Variants in MOXD1 observed in about 807,000 individuals in gnomAD.
MOXD1 encodes DBH-like monooxygenase protein 1.
Under a neutral mutation model 66.6 loss-of-function variants are expected in MOXD1, and 62 were observed. The observed-to-expected ratio is 0.93, with a 90% CI of 0.76 to 1.15. The LOEUF (loss-of-function observed/expected upper bound fraction) is 1.15, where lower values mean the gene tolerates loss of function less well. MOXD1 is among the 50% of genes most tolerant of loss of function. The probability of loss-of-function intolerance (pLI) is 0.00; values close to 1 mark genes in which losing one functional copy is unlikely to be tolerated. For missense variants in MOXD1, 847 were observed against 754.6 expected (o/e 1.12, Z -1.44); for synonymous variants, 303 against 281.9 (o/e 1.07, Z -0.75).
intron 9 of MOXD1, among the ~76,000 whole-genome samples, chr6:132,317,623 G>A (rs1774987102): frequency 6.6e-6 from 1 of 152,020 alleles, no homozygotes; most frequent in African/African-American, 2.4e-5. Context: ...TGGTTGTGTT[G>A]GCCCTGAAGA....
At chr6:132,385,191 G>A (rs1007630348) in intron 1 of MOXD1, among the ~76,000 whole-genome samples, 2 of 152,118 alleles carry the variant, frequency 1.3e-5, no homozygotes, top group African/African-American at 2.4e-5. Flanking sequence ...GAAGGAAACA[G>A]GTTGGAGTTT....
chr6:132,369,560 G>C (rs1331374704), intron 4 of MOXD1, among the ~76,000 whole-genome samples: 1 of 151,888 alleles, frequency 6.6e-6, no homozygotes, highest in Non-Finnish European at 1.5e-5. Context: ...TGAATTGCTA[G>C]CTAGCATCAT....
In MOXD1 at chr6:132,374,750, ACTCT is replaced by A; in HGVS notation, c.288_291del (p.Arg96SerfsTer2). The A allele has an allele frequency of 1.2e-6, 2 of 1,613,844 alleles. No individual in the cohort carries two copies. Among genetic ancestry groups the A allele is most frequent in the Non-Finnish European group, 1.7e-6 (2 of 1,179,830 alleles). ...TAATCTTGCTGAGCATCTTTTTTCAACTCTCTATTTGCATTTGTAAAATAATCCT... is the reference window on the plus strand; with the variant it reads ...TAATCTTGCTGAGCATCTTTTTTCAACTATTTGCATTTGTAAAATAATCCT... On this transcript the variant is annotated frameshift_variant, in exon 2 of 12. Transcript: ENST00000367963. LOFTEE classifies it high-confidence loss of function.
intron 4 of MOXD1, among the ~76,000 whole-genome samples, chr6:132,333,596 C>T (rs1775371813): frequency 6.6e-6 from 1 of 152,088 alleles, no homozygotes; most frequent in South Asian, 2.1e-4. Flanking sequence ...TGTAGCCTGG[C>T]TGTATGATGG....
intron 4 of MOXD1, among the ~76,000 whole-genome samples, chr6:132,369,247 A>G (rs1469025405): frequency 1.3e-5 from 2 of 152,010 alleles, no homozygotes; most frequent in African/African-American, 4.8e-5. Flanking sequence ...TATAGGCTCA[A>G]TGCTTTCTAG....
intron 11 of MOXD1, 107 bp downstream of exon 11, chr6:132,297,680 C>A: frequency 7.5e-7 from 1 of 1,327,700 alleles, no homozygotes. Context: ...CATTAGAAGG[C>A]AACTGGACCC....
At chr6:132,297,625 G>C (rs1774438531) in intron 11 of MOXD1, among the ~76,000 whole-genome samples, 162 bp downstream of exon 11, 1 of 152,174 alleles carries the variant, frequency 6.6e-6, no homozygotes, top group Admixed American at 6.5e-5. Flanking sequence ...GTAGAATGAG[G>C]AGTTTTCAGT....
intron 4 of MOXD1, among the ~76,000 whole-genome samples, chr6:132,336,818 C>T (rs1020728663): frequency 6.6e-5 from 10 of 152,290 alleles, no homozygotes; most frequent in South Asian, 4.1e-4. Context: ...ACTGTAATCC[C>T]GAATTCTCAT....
chr6:132,299,234 T>C (rs1774475748), intron 10 of MOXD1, among the ~76,000 whole-genome samples: 1 of 151,846 alleles, frequency 6.6e-6, no homozygotes, highest in African/African-American at 2.4e-5. Flanking sequence ...TGAATACACA[T>C]AGACATAAAG....
At chr6:132,384,488 TAAAC>T (rs747024623) in intron 1 of MOXD1, among the ~76,000 whole-genome samples, 12 of 152,072 alleles carry the variant, frequency 7.9e-5, no homozygotes, top group African/African-American at 1.9e-4. Flanking sequence ...TAAAGAAACT[TAAAC>T]AATAAAATAT....
At chr6:132,386,623 G>T (rs1390554010) in intron 1 of MOXD1, among the ~76,000 whole-genome samples, 3 of 151,330 alleles carry the variant, frequency 2.0e-5, no homozygotes, top group Non-Finnish European at 4.4e-5. Context: ...ACCTGAAAGT[G>T]TAAATGCAAA....
intron 9 of MOXD1, among the ~76,000 whole-genome samples, chr6:132,317,281 T>C (rs1207337333): frequency 6.6e-6 from 1 of 152,206 alleles, no homozygotes; most frequent in Non-Finnish European, 1.5e-5. Flanking sequence ...ATGATTTTAC[T>C]AATTGCAAAA....
intron 4 of MOXD1, among the ~76,000 whole-genome samples, chr6:132,349,438 T>TATATATAC (rs1181645696): frequency 0.02 from 292 of 14,682 alleles, 53 homozygotes; most frequent in African/African-American, 0.071. Flanking sequence ...TATATATACA[T>TATATATAC]ATATATATAT....
intron 4 of MOXD1, among the ~76,000 whole-genome samples, chr6:132,342,929 T>C (rs1013923681): frequency 6.6e-6 from 1 of 152,174 alleles, no homozygotes; most frequent in Non-Finnish European, 1.5e-5. Context: ...GCACATGTAC[T>C]AACATGTTTT....
chr6:132,366,233 A>G (rs1776137817), intron 4 of MOXD1, among the ~76,000 whole-genome samples: 2 of 152,180 alleles, frequency 1.3e-5, no homozygotes, highest in Non-Finnish European at 2.9e-5. Context: ...CTAAAAATCC[A>G]AAGATTTGCC....
At chr6:132,298,745 T>C (rs1774465218) in intron 10 of MOXD1, among the ~76,000 whole-genome samples, 1 of 151,754 alleles carries the variant, frequency 6.6e-6, no homozygotes, top group Non-Finnish European at 1.5e-5. Flanking sequence ...AGAAGGGCTA[T>C]TATTAAAATG....
At chr6:132,379,752 T>C (rs979179304) in intron 1 of MOXD1, among the ~76,000 whole-genome samples, 1 of 152,212 alleles carries the variant, frequency 6.6e-6, no homozygotes, top group Admixed American at 6.5e-5. Flanking sequence ...CATATTTTAC[T>C]TGAGTTCCTG....
chr6:132,333,335 C>CAA (rs35163669), intron 4 of MOXD1, among the ~76,000 whole-genome samples: 21,776 of 72,106 alleles, frequency 0.3, 3,179 homozygotes, highest in African/African-American at 0.42. Context: ...GACTCCGTCT[C>CAA]AAAAAAAAAA....
chr6:132,355,091 A>G (rs1279784277), intron 4 of MOXD1, among the ~76,000 whole-genome samples: 1 of 152,130 alleles, frequency 6.6e-6, no homozygotes, highest in East Asian at 1.9e-4. Flanking sequence ...GGTGCAGAAG[A>G]AAAAGGATTT....
Sources: gnomAD v4.1 joint callset for allele counts (sites outside exome capture counted in the v4.1 genomes callset) on GRCh38, gnomAD v4.1.1 for gene constraint, MANE v1.5 for transcripts, NCBI Gene and HGNC (gene_info 2026-07-23, HGNC 2026-07-21) for gene names.